HDAC9: variants seen among roughly 807,000 people sequenced by gnomAD.
The protein encoded by HDAC9 is MEF-2 interacting transcription repressor (MITR) protein.
Under a neutral mutation model 139.4 loss-of-function variants are expected in HDAC9, and 41 were observed. That is an observed-to-expected ratio of 0.29 (90% CI 0.23 to 0.38). The LOEUF (loss-of-function observed/expected upper bound fraction) is 0.38. Among genes scored for constraint, HDAC9 ranks in the 10% least tolerant of loss-of-function variants. The pLI, the probability that HDAC9 is intolerant of heterozygous loss-of-function variation, is 1.00. For missense variants in HDAC9, 1,147 were observed against 1,297.0 expected (o/e 0.88, Z 1.78); for synonymous variants, 517 against 476.2 (o/e 1.09, Z -1.12).
chr7:18,615,921 C>G (rs1838452814), intron 6 of HDAC9, among the ~76,000 whole-genome samples: 1 of 152,158 alleles, frequency 6.6e-6, no homozygotes, highest in Non-Finnish European at 1.5e-5. Context: ...TCCAAAATGG[C>G]TTTGCCTGGG....
chr7:18,131,482 G>A (rs1336332939), intron 1 of HDAC9, among the ~76,000 whole-genome samples: 1 of 152,124 alleles, frequency 6.6e-6, no homozygotes, highest in Non-Finnish European at 1.5e-5. Context: ...CAAAGAAAAG[G>A]AATTAAGAAG....
At chr7:18,737,866 G>C (rs1450308703) in intron 13 of HDAC9, among the ~76,000 whole-genome samples, 3 of 152,158 alleles carry the variant, frequency 2.0e-5, no homozygotes, top group African/African-American at 7.2e-5. Flanking sequence ...GGGTGTTAAA[G>C]TCTCCCATTA....
intron 23 of HDAC9, among the ~76,000 whole-genome samples, chr7:18,942,443 G>T (rs1487683173): frequency 6.6e-6 from 1 of 151,960 alleles, no homozygotes; most frequent in East Asian, 1.9e-4. Context: ...CTGGGTAATG[G>T]AATATCATAA....
At chr7:18,245,321 C>T (rs1450663174) in intron 2 of HDAC9, among the ~76,000 whole-genome samples, 5 of 152,178 alleles carry the variant, frequency 3.3e-5, no homozygotes, top group Admixed American at 6.5e-5. Flanking sequence ...ATATGTCTTC[C>T]AACCTGTAGA....
At chr7:18,265,940 T>G (rs1795967501) in intron 2 of HDAC9, among the ~76,000 whole-genome samples, 1 of 152,168 alleles carries the variant, frequency 6.6e-6, no homozygotes, top group Non-Finnish European at 1.5e-5. Flanking sequence ...ACACCGAAAC[T>G]TCAAAAGTAG....
chr7:18,767,762 A>C (rs573667802), intron 16 of HDAC9, among the ~76,000 whole-genome samples: 1 of 152,292 alleles, frequency 6.6e-6, no homozygotes, highest in Non-Finnish European at 1.5e-5. Flanking sequence ...TGATTAGAAC[A>C]TATCCTATAA....
At chr7:18,844,985 G>A (rs558874430) in intron 21 of HDAC9, among the ~76,000 whole-genome samples, 4 of 152,170 alleles carry the variant, frequency 2.6e-5, no homozygotes, top group East Asian at 3.9e-4. Context: ...TGACACCGTC[G>A]TAGTAGGTGA....
Position 18,998,733 on chromosome 7 carries a change from A to G in HDAC9, c.*2671A>G, listed in dbSNP as rs1786599961. 6.6e-6 allele frequency: 1 copy of G among 152,228 alleles called. No individual in the cohort carries two copies. Among genetic ancestry groups the G allele is most frequent in the African/African-American group, 2.4e-5 (1 of 41,472 alleles). 9.4% of individuals were successfully genotyped at this position (152,228 alleles called of 1,614,324 possible). A position where few individuals can be genotyped will look rare whatever the true frequency, so the allele number is the denominator to read the frequency against. ...AATGAGAGGCTAGAAGAGTATTATC[A>G]ATTTTGCATCTCCTTGTGATACTTA... On this transcript the variant is annotated 3_prime_UTR_variant, in exon 26 of 26. Transcript: ENST00000686413.
intron 21 of HDAC9, among the ~76,000 whole-genome samples, chr7:18,859,559 A>C (rs1562996604): frequency 6.6e-6 from 1 of 151,714 alleles, no homozygotes; most frequent in Non-Finnish European, 1.5e-5. Context: ...TAAAAAAAAA[A>C]AAAACTTGAT....
At chr7:18,442,761 A>G (rs1430767842) in intron 1 of HDAC9, among the ~76,000 whole-genome samples, 1 of 152,132 alleles carries the variant, frequency 6.6e-6, no homozygotes, top group Non-Finnish European at 1.5e-5. Context: ...CTTCTCTCTG[A>G]GGTTTTCAGT....
intron 6 of HDAC9, among the ~76,000 whole-genome samples, chr7:18,601,536 A>AGG (rs869229861): frequency 8.5e-5 from 13 of 152,220 alleles, no homozygotes; most frequent in African/African-American, 3.1e-4. Context: ...GAGAAGTAAA[A>AGG]GGGGACATCC....
At chr7:18,686,943 A>G (rs965070244) in intron 12 of HDAC9, among the ~76,000 whole-genome samples, 1 of 151,878 alleles carries the variant, frequency 6.6e-6, no homozygotes, top group African/African-American at 2.4e-5. Flanking sequence ...CCTGGCTCCA[A>G]TAAGCTTATA....
At chr7:18,439,799 A>T (rs1016749688) in intron 1 of HDAC9, among the ~76,000 whole-genome samples, 3 of 152,206 alleles carry the variant, frequency 2.0e-5, no homozygotes, top group African/African-American at 7.2e-5. Flanking sequence ...CACACACAAA[A>T]CACATTCAAA....
chr7:18,948,670 C>G (rs889428342), intron 23 of HDAC9, among the ~76,000 whole-genome samples: 1 of 152,068 alleles, frequency 6.6e-6, no homozygotes, highest in South Asian at 2.1e-4. Flanking sequence ...ATACTATATC[C>G]TATCATAACA....
chr7:18,959,984 G>T (rs1282954895), intron 24 of HDAC9, among the ~76,000 whole-genome samples: 1 of 147,984 alleles, frequency 6.8e-6, no homozygotes, highest in African/African-American at 2.5e-5. Flanking sequence ...AAATTTGTGA[G>T]TATAGCTAAT....
intron 1 of HDAC9, among the ~76,000 whole-genome samples, chr7:18,096,433 C>T (rs763415565): frequency 5.9e-5 from 9 of 152,064 alleles, no homozygotes; most frequent in South Asian, 2.1e-4. Flanking sequence ...AGTTTTTAAA[C>T]GTTTATTCAG....
chr7:18,607,762 A>C (rs1835929766), intron 6 of HDAC9, among the ~76,000 whole-genome samples: 3 of 152,130 alleles, frequency 2.0e-5, no homozygotes, highest in African/African-American at 7.2e-5. Flanking sequence ...ATTGTATATG[A>C]AACTAAGAAG....
At chr7:18,328,213 G>A (rs1001782963) in intron 1 of HDAC9, among the ~76,000 whole-genome samples, 3 of 151,954 alleles carry the variant, frequency 2.0e-5, no homozygotes, top group Admixed American at 6.6e-5. Flanking sequence ...CACAGGAGAT[G>A]TCAGCTGCCT....
At chr7:18,886,050 C>G (rs1800122912) in intron 22 of HDAC9, among the ~76,000 whole-genome samples, 1 of 152,118 alleles carries the variant, frequency 6.6e-6, no homozygotes, top group African/African-American at 2.4e-5. Flanking sequence ...AGCAACATGG[C>G]TGATTAAGAA....
Sources: allele counts gnomAD v4.1 joint callset (sites outside exome capture counted in the v4.1 genomes callset), GRCh38; gene constraint gnomAD v4.1.1; transcripts MANE v1.5; gene names NCBI Gene and HGNC (gene_info 2026-07-23, HGNC 2026-07-21).